ACOT9: variants seen among roughly 807,000 people sequenced by gnomAD.
ACOT9 encodes acyl-CoA thioesterase 9, also known as acyl-coenzyme A thioesterase 9, mitochondrial.
Under a neutral mutation model 39.7 loss-of-function variants are expected in ACOT9, and 34 were observed. That is an observed-to-expected ratio of 0.86 (90% CI 0.65 to 1.14). The LOEUF (loss-of-function observed/expected upper bound fraction) is 1.14, where lower values mean the gene tolerates loss of function less well. Ranked by LOEUF, ACOT9 falls within the 50% of genes most tolerant of loss-of-function variation. The pLI is 0.00. For synonymous variants in ACOT9, 110 were observed against 120.5 expected, an observed-to-expected ratio of 0.91 and a Z score of 0.57; for missense variants, 313 against 344.1, an observed-to-expected ratio of 0.91 and a Z score of 0.71.
chrX:23,735,851 T>C, intron 2 of ACOT9, 68 bp downstream of exon 2: 1 of 986,311 alleles, frequency 1.0e-6, no homozygotes, highest in Non-Finnish European at 1.4e-6. Flanking sequence ...TCACTCTATA[T>C]ACCTTTCAAA....
In ACOT9 at chrX:23,735,961, G is replaced by A. The variant is rs756755942; in HGVS notation, c.76C>T (p.Pro26Ser). The A allele has an allele frequency of 1.9e-5, 23 of 1,208,744 alleles. No homozygotes were observed. Among genetic ancestry groups the A allele is most frequent in the Middle Eastern group, 2.3e-4 (1 of 4,370 alleles). The change falls in exon 2 of 16, where the codon CCC becomes TCC. Residue 26 changes from proline to serine, a missense_variant. Pro to Ser is a moderately conservative substitution (Grantham distance 74). Transcript: ENST00000379303. ...ATTCCCTGTTTCTTGGGGTTCTGGG[G>A]TCCTTGAGTCAGTCCTCTTCCAGGA... ...LTPGRGLTQG[P>S]QNPKKQGIFH...
Position 23,703,733 on chromosome X carries a change from C to T in ACOT9, c.*161G>A. 2.4e-6 allele frequency: 1 copy of T among 412,163 alleles called. No individual in the cohort carries two copies. The highest frequency in any genetic ancestry group is 4.3e-6 in the Non-Finnish European group (1 of 233,318). The allele number at this position is 412,163 out of a possible 1,213,427, so 34.0% of individuals were successfully genotyped here. On this transcript the variant is annotated 3_prime_UTR_variant, in exon 16 of 16. Coordinates refer to ENST00000379303, the MANE Select transcript of ACOT9 (RefSeq NM_001037171.2). ...CTTTCTCCCCTCAGCCCCATCCGGC[C>T]ACTCTCTCTTTCTGCTTTTCTGATC...
Position 23,713,196 on chromosome X carries a change from C to A in ACOT9, c.601G>T (p.Glu201Ter), listed in dbSNP as rs1180937597. The A allele has an allele frequency of 8.3e-7, 1 of 1,201,613 alleles. No individual in the cohort carries two copies. Among genetic ancestry groups the A allele is most frequent in the African/African-American group, 1.8e-5 (1 of 57,090 alleles). Residue 201 changes from glutamate (E) to a stop codon, truncating the protein, a stop_gained, in exon 9 of 16, where the codon GAA (glutamate) becomes TAA (stop). Transcript: ENST00000379303. LOFTEE classifies it high-confidence loss of function. ...GTTGCATCCAAAACAGGACAAAATT[C>A]ATCACCATGTAACTGAAGAACAAAG... ...KMQMFQLHGDEFCPVLDATFV... is the reference protein window; with the variant it reads ...KMQMFQLHGD
chrX:23,722,699 G>A lies in ACOT9; in HGVS notation c.455C>T (p.Ser152Leu). The A allele has an allele frequency of 8.3e-7, 1 of 1,201,735 alleles. No individual in the cohort carries two copies. Among genetic ancestry groups the A allele is most frequent in the Admixed American group, 2.2e-5 (1 of 45,593 alleles). ...KIHSAKMSPL[S>L]IVTALVDKID... ...CTTATCCACCAGGGCTGTAACTATC[G>A]ATAAAGGAGACATCTTGGCGGAGTG... is the stretch of plus-strand genomic sequence containing the variant. Residue 152 changes from serine to leucine, a missense_variant, in exon 7 of 16, where the codon TCG becomes TTG. Transcript: ENST00000379303.
intron 6 of ACOT9, among the ~76,000 whole-genome samples, chrX:23,727,970 G>A (rs1310084525): frequency 3.0e-5 from 3 of 100,886 alleles, no homozygotes; most frequent in Admixed American, 1.1e-4. Context: ...TCTACTCCAG[G>A]CCGGGCAACA....
At chrX:23,717,863 G>A (rs1025216619) in intron 8 of ACOT9, among the ~76,000 whole-genome samples, 5 of 111,687 alleles carry the variant, frequency 4.5e-5, no homozygotes, top group South Asian at 3.7e-4. Flanking sequence ...CGAGGCAGGC[G>A]GATCACTTGA....
At position 23,730,878 on chromosome X, in the gene ACOT9, G is replaced by A. The variant is rs139170668; in HGVS notation, c.300C>T (p.Leu100=). 7.4e-5 allele frequency: 90 copies of A among 1,210,074 alleles called. No individual in the cohort carries two copies. The African/African-American group carries it at 1.5e-3, about 20-fold the overall frequency. Residue 100 remains leucine, a synonymous_variant, in exon 5 of 16, where the codon CTC becomes CTT. Coordinates refer to ENST00000379303, the MANE Select transcript of ACOT9 (RefSeq NM_001037171.2). ...RRMKDSYIEV[L]LPLGSEPELR... ...ATTCAGGCTCACTGCCCAAAGGCAA[G>A]AGAACTTCAATATAACTGTCCTTCA...
At chrX:23,704,952 G>A (rs1928624784) in intron 14 of ACOT9, 41 bp downstream of exon 14, 3 of 1,081,178 alleles carry the variant, frequency 2.8e-6, no homozygotes, top group Non-Finnish European at 2.5e-6. Flanking sequence ...AGGCTCAAAT[G>A]AAAAAAAAAA....
intron 1 of ACOT9, among the ~76,000 whole-genome samples, chrX:23,740,429 A>G (rs977948031): frequency 9.0e-6 from 1 of 110,661 alleles, no homozygotes; most frequent in Non-Finnish European, 1.9e-5. Context: ...TTTTCACTAC[A>G]TTTGGTATCC....
At chrX:23,719,873 G>T (rs989544022) in intron 8 of ACOT9, among the ~76,000 whole-genome samples, 1 of 107,076 alleles carries the variant, frequency 9.3e-6, no homozygotes, top group Non-Finnish European at 1.9e-5. Flanking sequence ...GTCTCGCTCT[G>T]TCGCCCAGGC....
intron 6 of ACOT9, among the ~76,000 whole-genome samples, chrX:23,726,050 A>G (rs1015809624): frequency 3.7e-5 from 4 of 109,247 alleles, no homozygotes; most frequent in African/African-American, 1.3e-4. Flanking sequence ...GATACAAAAA[A>G]TTAGCCGGGC....
intron 6 of ACOT9, among the ~76,000 whole-genome samples, chrX:23,725,381 G>A (rs1363097408): frequency 9.8e-6 from 1 of 101,654 alleles, no homozygotes; most frequent in African/African-American, 3.7e-5. Context: ...TGAGGCAGGA[G>A]AACTGCTCGA....
In ACOT9 at chrX:23,734,354, T is replaced by C. The variant is rs767838334; in HGVS notation, c.132A>G (p.Ile44Met). 28 of 1,192,147 alleles carry C rather than the reference T, an allele frequency of 2.3e-5. No individual in the cohort carries two copies. Among genetic ancestry groups the C allele is most frequent in the Non-Finnish European group, 3.1e-5 (27 of 884,337 alleles). Residue 44 changes from isoleucine (I) to methionine (M), a missense_variant, in exon 3 of 16, where the codon ATA becomes ATG. Ile to Met is a conservative substitution (Grantham distance 10, BLOSUM62 1). Coordinates refer to ENST00000379303, the MANE Select transcript of ACOT9 (RefSeq NM_001037171.2). Reference sequence around the variant, plus strand: ...TACCACACACACCATGATTCACATGTATAGATGAACATGCTATATGAATAA... The same window carrying C: ...TACCACACACACCATGATTCACATGCATAGATGAACATGCTATATGAATAA... ...IFHIHEACSSIHVNHVRDKLR... is the reference protein window; with the variant it reads ...IFHIHEACSSMHVNHVRDKLR...
chrX:23,729,691 G>A (rs1042151789), intron 6 of ACOT9, among the ~76,000 whole-genome samples: 3 of 112,080 alleles, frequency 2.7e-5, no homozygotes, highest in South Asian at 7.3e-4. Context: ...GAGTGCAGTG[G>A]CGCGATCTCG....
intron 8 of ACOT9, among the ~76,000 whole-genome samples, chrX:23,717,008 C>A (rs1432562516): frequency 3.6e-5 from 4 of 111,546 alleles, no homozygotes. Flanking sequence ...GCACGTGGCA[C>A]CACCCCCAGC....
chrX:23,738,484 C>A (rs774587198), intron 1 of ACOT9, among the ~76,000 whole-genome samples: 93 of 109,912 alleles, frequency 8.5e-4, no homozygotes, highest in African/African-American at 3.0e-3. Flanking sequence ...TGGCGCACAC[C>A]TGTAGTCCCA....
rs1921005146 is a variant in ACOT9 at position 23,743,272 on chromosome X, A to G, written c.-128T>C. The G allele has an allele frequency of 2.3e-6, 2 of 858,236 alleles. No individual in the cohort carries two copies. The highest frequency in any genetic ancestry group is 1.5e-6 in the Non-Finnish European group (1 of 652,680). The allele number at this position is 858,236 out of a possible 1,213,427, so 70.7% of individuals were successfully genotyped here. Reference sequence around the variant, plus strand: ...TTGCTGAGGACAGCCCGGGAGCCGGACAGCGGTGTCCGGGGGCGGGACCGC... The same window carrying G: ...TTGCTGAGGACAGCCCGGGAGCCGGGCAGCGGTGTCCGGGGGCGGGACCGC... On this transcript the variant is annotated 5_prime_UTR_variant, in exon 1 of 16. Transcript: ENST00000379303.
chrX:23,711,950 A>G (rs1928909473), intron 9 of ACOT9, among the ~76,000 whole-genome samples: 1 of 112,145 alleles, frequency 8.9e-6, no homozygotes, highest in South Asian at 3.7e-4. Context: ...TAGAGAAACA[A>G]GATCAAAAAA....
chrX:23,733,007 T>C (rs756519802), intron 4 of ACOT9, among the ~76,000 whole-genome samples, 165 bp downstream of exon 4: 81 of 111,983 alleles, frequency 7.2e-4, no homozygotes, highest in African/African-American at 2.5e-3. Flanking sequence ...TGTCATCTGA[T>C]GAGTATGTTG....
Sources: allele counts gnomAD v4.1 joint callset (sites outside exome capture counted in the v4.1 genomes callset), GRCh38; gene constraint gnomAD v4.1.1; transcripts MANE v1.5; gene names NCBI Gene and HGNC (gene_info 2026-07-23, HGNC 2026-07-21).